The following MYO5C variants were observed in gnomAD, a reference collection of about 807,000 sequenced individuals.
The protein encoded by MYO5C is unconventional myosin-Vc.
Under a neutral mutation model 235.7 loss-of-function variants are expected in MYO5C, and 194 were observed. The observed-to-expected ratio is 0.82, with a 90% CI of 0.73 to 0.93. The LOEUF is 0.93. Ranked by LOEUF, MYO5C falls within the 40% of genes least tolerant of loss-of-function variation. MYO5C has a pLI of 0.00. For synonymous variants in MYO5C, 707 were observed against 754.8 expected (o/e 0.94, Z 1.04); for missense variants, 2,038 against 2,127.2 (o/e 0.96, Z 0.82).
Position 52,293,942 on chromosome 15 carries a change from T to C in MYO5C, c.27+1668A>G, listed in dbSNP as rs118123179. 2.8e-3 allele frequency among the ~76,000 whole-genome samples: 422 copies of C among 152,298 alleles called. 7 individuals are homozygous for C. The highest frequency in any genetic ancestry group is 0.024 in the East Asian group (126 of 5,186). ...CCTCCAGAACAGACAAAATGGGGGC[T>C]AACTGCCCACCAGGAAGGGAGGTGG... On this transcript the variant is annotated intron_variant, in intron 1 of 40. Transcript: ENST00000261839.
intron 9 of MYO5C, among the ~76,000 whole-genome samples, chr15:52,263,532 C>T (rs2140830273): frequency 6.6e-6 from 1 of 152,212 alleles, no homozygotes; most frequent in South Asian, 2.1e-4. Context: ...ATGTGGTCTG[C>T]AATCCCCCTC....
At chr15:52,263,485 C>A (rs912857259) in intron 9 of MYO5C, among the ~76,000 whole-genome samples, 6 of 152,144 alleles carry the variant, frequency 3.9e-5, no homozygotes, top group Admixed American at 2.0e-4. Flanking sequence ...TAGTGGGTGT[C>A]CTTCTGCTGA....
In MYO5C at chr15:52,283,744, T is replaced by C. The variant is rs184967302; in HGVS notation, c.28-852A>G. Among the ~76,000 whole-genome samples the C allele has an allele frequency of 5.8e-3, 880 of 152,264 alleles. 1 individual carries two copies. The highest frequency in any genetic ancestry group is 8.4e-3 in the Non-Finnish European group (573 of 68,010). ...AGGCTGTAGTGCAACAGCACGATCT[T>C]GGCTCACTGCAACCTCCACCTCCCG... On this transcript the variant is annotated intron_variant, in intron 1 of 40. Coordinates refer to ENST00000261839, the MANE Select transcript of MYO5C (RefSeq NM_018728.4).
Position 52,193,798 on chromosome 15 carries a change from C to A in MYO5C, c.*104G>T. On this transcript the variant is annotated 3_prime_UTR_variant, in exon 41 of 41. Coordinates refer to ENST00000261839, the MANE Select transcript of MYO5C (RefSeq NM_018728.4). ...CCATTTGAGAAAAGTCTGTTTTCTT[C>A]CTTAAATCACATTCCAATTTCCACT... 2 of 1,285,976 alleles carry A rather than the reference C, an allele frequency of 1.6e-6. No individual in the cohort carries two copies. The highest frequency in any genetic ancestry group is 1.1e-6 in the Non-Finnish European group (1 of 924,320). 79.7% of individuals were successfully genotyped at this position (1,285,976 alleles called of 1,614,324 possible).
chr15:52,284,901 G>A (rs1337675926), intron 1 of MYO5C, among the ~76,000 whole-genome samples: 1 of 149,516 alleles, frequency 6.7e-6, no homozygotes, highest in Non-Finnish European at 1.5e-5. Context: ...GTGCAGTGAC[G>A]TGATCACAGC....
At chr15:52,256,930 G>A in intron 10 of MYO5C, 1 of 495,518 alleles carries the variant, frequency 2.0e-6, no homozygotes, top group Non-Finnish European at 3.6e-6. Context: ...AAATCTGGTA[G>A]GTATAAAACA....
intron 24 of MYO5C, among the ~76,000 whole-genome samples, chr15:52,232,167 GA>G (rs376705451): frequency 0.017 from 294 of 17,316 alleles, 9 homozygotes; most frequent in Non-Finnish European, 0.068. Context: ...GAAAGGAAGG[GA>G]AGGAAGGGAG....
intron 1 of MYO5C, among the ~76,000 whole-genome samples, chr15:52,284,818 T>C (rs1028236508): frequency 6.8e-6 from 1 of 146,676 alleles, no homozygotes; most frequent in African/African-American, 2.5e-5. Flanking sequence ...GTGTTCACTA[T>C]AAAATTCTTT....
intron 23 of MYO5C, 82 bp from the exon 24 acceptor site, chr15:52,232,767 A>C: frequency 1.7e-6 from 2 of 1,193,388 alleles, no homozygotes; most frequent in Non-Finnish European, 2.5e-6. Context: ...GAAAGTGAGA[A>C]TGTCAGGACA....
chr15:52,241,256 T>C, intron 20 of MYO5C, among the ~76,000 whole-genome samples: 1 of 129,056 alleles, frequency 7.7e-6, no homozygotes, highest in African/African-American at 2.9e-5. Flanking sequence ...TAATCTTTTT[T>C]TTTTTTTTTT....
At chr15:52,218,780 G>A in intron 31 of MYO5C, 93 bp from the exon 32 acceptor site, 1 of 1,356,860 alleles carries the variant, frequency 7.4e-7, no homozygotes, top group Non-Finnish European at 1.0e-6. Context: ...TCCAAAGATG[G>A]AAGAACACCT....
intron 23 of MYO5C, 112 bp from the exon 24 acceptor site, chr15:52,232,797 T>A: frequency 2.2e-6 from 2 of 909,894 alleles, no homozygotes; most frequent in Non-Finnish European, 3.6e-6. Flanking sequence ...TGTTTATTAT[T>A]AACAGGACTT....
chr15:52,270,632 G>A (rs998923703), intron 7 of MYO5C, among the ~76,000 whole-genome samples: 4 of 149,484 alleles, frequency 2.7e-5, no homozygotes, highest in African/African-American at 9.9e-5. Flanking sequence ...ATAAATGTAT[G>A]TGTATATATA....
chr15:52,262,792 C>T (rs975795444), intron 9 of MYO5C, among the ~76,000 whole-genome samples: 1 of 152,222 alleles, frequency 6.6e-6, no homozygotes, highest in Non-Finnish European at 1.5e-5. Flanking sequence ...ATCAACTATT[C>T]CCATCAGTTA....
At position 52,246,971 on chromosome 15, in the gene MYO5C, G is replaced by T. The variant is rs372776812; in HGVS notation, c.1925C>A (p.Thr642Lys). ...LYLLMETLNA[T>K]TPHYVRCIKP... is the part of the protein sequence containing the mutation. The stretch of plus-strand genomic sequence containing the variant: ...GATGCATCGAACGTAGTGGGGCGTC[G>T]TCGCATTGAGGGTCTCCATGAGCAA... Residue 642 changes from threonine to lysine, a missense_variant, in exon 16 of 41, where the codon ACG (threonine) becomes AAG (lysine). By Grantham distance (78) the Thr-to-Lys change is moderately conservative. Coordinates refer to ENST00000261839, the MANE Select transcript of MYO5C (RefSeq NM_018728.4). 1.4e-4 allele frequency: 218 copies of T among 1,613,940 alleles called. No individual in the cohort carries two copies. The highest frequency in any genetic ancestry group is 1.8e-4 in the Non-Finnish European group (209 of 1,179,980).
intron 1 of MYO5C, among the ~76,000 whole-genome samples, chr15:52,283,540 C>T (rs989906315): frequency 1.8e-4 from 27 of 152,190 alleles, no homozygotes; most frequent in Admixed American, 1.4e-3. Context: ...GGTAGAACCA[C>T]GTTGCTGTGG....
chr15:52,285,394 T>C (rs970777207), intron 1 of MYO5C, among the ~76,000 whole-genome samples: 1 of 139,794 alleles, frequency 7.2e-6, no homozygotes, highest in African/African-American at 2.7e-5. Context: ...AAACAGGCTC[T>C]CGCTCTCCCT....
At chr15:52,237,366 A>G (rs2036108698) in intron 22 of MYO5C, 116 bp downstream of exon 22, 4 of 1,307,560 alleles carry the variant, frequency 3.1e-6, no homozygotes, top group Non-Finnish European at 4.2e-6. Context: ...ATGGAAGTTG[A>G]TAGCAAAATC....
intron 15 of MYO5C, 95 bp downstream of exon 15, chr15:52,247,363 T>C (rs1481692714): frequency 5.1e-6 from 7 of 1,386,006 alleles, no homozygotes; most frequent in East Asian, 4.6e-5. Flanking sequence ...CGTCTGTCCA[T>C]GTCCAGGCCT....
Sources: allele counts gnomAD v4.1 joint callset (sites outside exome capture counted in the v4.1 genomes callset), GRCh38; gene constraint gnomAD v4.1.1; transcripts MANE v1.5; gene names NCBI Gene and HGNC (gene_info 2026-07-23, HGNC 2026-07-21).